The following STS variants were observed in gnomAD, a reference collection of about 807,000 sequenced individuals.
STS encodes the protein steroid sulfatase.
A neutral mutation model predicts 26.8 loss-of-function variants in STS; 7 were observed. The ratio of observed to expected loss-of-function variants is 0.26; its 90% confidence interval spans 0.15 to 0.49. The LOEUF (loss-of-function observed/expected upper bound fraction) is 0.49. STS is among the 20% of genes least tolerant of loss of function. The pLI is 0.98. For missense variants in STS, 434 were observed against 465.6 expected, an observed-to-expected ratio of 0.93 and a Z score of 0.63; for synonymous variants, 199 against 189.4, an observed-to-expected ratio of 1.05 and a Z score of -0.42.
At position 7,165,997 on chromosome X, in the gene STS, G is replaced by A. The variant is rs1601624033; in HGVS notation, c.-134+17914G>A. ...AAAGCATTTTCTCTTTCTCTCTGTCGCTGTCTTTTTTTTTTTTTTTTTTTA... is the reference window on the plus strand; with the variant it reads ...AAAGCATTTTCTCTTTCTCTCTGTCACTGTCTTTTTTTTTTTTTTTTTTTA... On this transcript the variant is annotated intron_variant, in intron 1 of 10. Coordinates refer to ENST00000674429, the MANE Select transcript of STS (RefSeq NM_001320752.2). 6.5e-5 allele frequency among the ~76,000 whole-genome samples: 7 copies of A among 107,229 alleles called. No homozygotes were observed. The South Asian group carries it at 2.4e-3, about 37-fold the overall frequency. The allele number at this position is 107,229 out of a possible 115,157, so 93.1% of individuals were successfully genotyped here.
intron 2 of STS, among the ~76,000 whole-genome samples, chrX:7,234,308 G>C (rs1004233087): frequency 4.5e-5 from 5 of 112,124 alleles, no homozygotes; most frequent in Admixed American, 9.5e-5. Context: ...TCCACTACTG[G>C]TCCTCAAAGA....
chrX:7,270,780 G>T (rs1340414892), intron 6 of STS, among the ~76,000 whole-genome samples: 1 of 111,654 alleles, frequency 9.0e-6, no homozygotes, highest in Non-Finnish European at 1.9e-5. Flanking sequence ...CAAGACAAAG[G>T]TCATGTTCCG....
At chrX:7,336,435 C>T (rs1018675800) in intron 10 of STS, among the ~76,000 whole-genome samples, 42 of 111,916 alleles carry the variant, frequency 3.8e-4, no homozygotes, top group African/African-American at 1.3e-3. Flanking sequence ...AAAATTACAA[C>T]CTTTCTATTA....
chrX:7,350,459 A>G lies in STS; in HGVS notation c.*198A>G. 2.0e-6 allele frequency: 1 copy of G among 502,387 alleles called. No individual in the cohort carries two copies. Among genetic ancestry groups the G allele is most frequent in the Non-Finnish European group, 3.2e-6 (1 of 309,764 alleles). 41.4% of individuals were successfully genotyped at this position (502,387 alleles called of 1,213,427 possible). ...GGGTGAGGGGGATAAGGTCTGTAGT[A>G]TACAGACAGGAAGATGGTAGGTTTA... On this transcript the variant is annotated 3_prime_UTR_variant, in exon 11 of 11. Transcript: ENST00000674429.
intron 10 of STS, among the ~76,000 whole-genome samples, chrX:7,337,626 G>C (rs1228374720): frequency 8.9e-6 from 1 of 112,428 alleles, no homozygotes; most frequent in African/African-American, 3.2e-5. Flanking sequence ...TAGTATTAGG[G>C]TTTAGTAGCA....
At position 7,323,903 on chromosome X, in the gene STS, C is replaced by G. The variant is rs147813223; in HGVS notation, c.1082-1436C>G. Among the ~76,000 whole-genome samples, 552 of 110,776 alleles carry G rather than the reference C, an allele frequency of 5.0e-3. 4 individuals are homozygous for G. The highest frequency in any genetic ancestry group is 0.017 in the African/African-American group (513 of 30,421). On this transcript the variant is annotated intron_variant, in intron 8 of 10. Transcript: ENST00000674429. ...TCAGCAGCATAGCATCTTCCAGCCT[C>G]TCTCTGTGATTACACCCCTCCACTT...
intron 10 of STS, among the ~76,000 whole-genome samples, chrX:7,341,810 A>G (rs1928297526): frequency 1.9e-5 from 2 of 104,533 alleles, no homozygotes; most frequent in Admixed American, 2.0e-4. Flanking sequence ...TTTTAAATTT[A>G]TCCAACAATT....
At position 7,210,134 on chromosome X, in the gene STS, A is replaced by G. The variant is rs753657669; in HGVS notation, c.-5+19126A>G. ...GAGTGATTTATATTCCTTTGGGTAT[A>G]TACCCAGTAATGGGATTACTGGGTC... is the stretch of plus-strand genomic sequence containing the variant. On this transcript the variant is annotated intron_variant, in intron 2 of 10. Transcript: ENST00000674429. Among the ~76,000 whole-genome samples, 16 of 111,576 alleles carry G rather than the reference A, an allele frequency of 1.4e-4. No individual in the cohort carries two copies. In the East Asian group the frequency reaches 4.5e-3, roughly 31 times the overall value.
At chrX:7,231,510 A>T (rs1009649856) in intron 2 of STS, among the ~76,000 whole-genome samples, 1 of 111,002 alleles carries the variant, frequency 9.0e-6, no homozygotes, top group Non-Finnish European at 1.9e-5. Context: ...GGCTAGGGGG[A>T]TGGAGGGAAA....
At chrX:7,168,151 A>C (rs1248880110) in intron 1 of STS, among the ~76,000 whole-genome samples, 1 of 111,461 alleles carries the variant, frequency 9.0e-6, no homozygotes, top group Non-Finnish European at 1.9e-5. Flanking sequence ...TACTCACAAC[A>C]ATACAAAGTT....
intron 1 of STS, among the ~76,000 whole-genome samples, chrX:7,176,756 G>A (rs1438575185): frequency 9.0e-6 from 1 of 111,051 alleles, no homozygotes; most frequent in Non-Finnish European, 1.9e-5. Context: ...CACAAGAATA[G>A]CATGGGGAAA....
chrX:7,275,806 A>T (rs1302826812), intron 6 of STS, 145 bp from the exon 7 acceptor site: 4 of 686,028 alleles, frequency 5.8e-6, no homozygotes, highest in Non-Finnish European at 8.6e-6. Flanking sequence ...AGAAGATACC[A>T]TATTAGGCAA....
At position 7,149,784 on chromosome X, in the gene STS, C is replaced by T. The variant is rs1164862713; in HGVS notation, c.-134+1701C>T. ...TCCAGGTCTTTCTCCTCAGCTTGAA[C>T]CTGCTTTCCTTTCCCTGTATCTTGT... On this transcript the variant is annotated intron_variant, in intron 1 of 10. Coordinates refer to ENST00000674429, the MANE Select transcript of STS (RefSeq NM_001320752.2). 6.3e-5 allele frequency among the ~76,000 whole-genome samples: 7 copies of T among 111,638 alleles called. No homozygotes were observed. In the Admixed American group the frequency reaches 6.7e-4, roughly 11 times the overall value.
intron 2 of STS, among the ~76,000 whole-genome samples, chrX:7,199,203 A>G (rs1331631029): frequency 8.9e-6 from 1 of 111,786 alleles, no homozygotes; most frequent in Non-Finnish European, 1.9e-5. Flanking sequence ...ATGATATTTG[A>G]AGTCAATCAG....
intron 2 of STS, among the ~76,000 whole-genome samples, chrX:7,211,345 G>T (rs1921024426): frequency 9.0e-6 from 1 of 111,320 alleles, no homozygotes; most frequent in South Asian, 3.8e-4. Flanking sequence ...GAGCCTCCCG[G>T]TGCTATTCCA....
At chrX:7,303,342 G>A (rs1208931181) in intron 7 of STS, among the ~76,000 whole-genome samples, 1 of 111,139 alleles carries the variant, frequency 9.0e-6, no homozygotes, top group Admixed American at 9.6e-5. Context: ...AGCAACGTGA[G>A]AGCAGACTAA....
intron 7 of STS, among the ~76,000 whole-genome samples, chrX:7,294,420 A>G (rs1234294437): frequency 9.0e-6 from 1 of 111,280 alleles, no homozygotes. Context: ...TTAAAAGACC[A>G]TTTGGCTAGT....
chrX:7,207,879 G>C, intron 2 of STS, among the ~76,000 whole-genome samples: 1 of 111,739 alleles, frequency 8.9e-6, no homozygotes, highest in Non-Finnish European at 1.9e-5. Flanking sequence ...ATCATGACTT[G>C]TCCACAAATT....
chrX:7,207,849 G>T (rs1569189825), intron 2 of STS, among the ~76,000 whole-genome samples: 1 of 111,799 alleles, frequency 8.9e-6, no homozygotes, highest in East Asian at 2.8e-4. Flanking sequence ...CAGGCTCAGG[G>T]GTACACATAC....
Sources: gnomAD v4.1 joint callset for allele counts (sites outside exome capture counted in the v4.1 genomes callset) on GRCh38, gnomAD v4.1.1 for gene constraint, MANE v1.5 for transcripts, NCBI Gene and HGNC (gene_info 2026-07-23, HGNC 2026-07-21) for gene names.